Variants in HECW2 observed in about 807,000 individuals in gnomAD.
HECW2 encodes HECT, C2 and WW domain containing E3 ubiquitin protein ligase 2.
A neutral mutation model predicts 175.2 loss-of-function variants in HECW2; 61 were observed. The ratio of observed to expected loss-of-function variants is 0.35; its 90% CI spans 0.28 to 0.43. HECW2 has a LOEUF of 0.43. Among genes scored for constraint, HECW2 ranks in the 20% least tolerant of loss-of-function variants. The pLI is 1.00. For missense variants in HECW2, 1,524 were observed against 2,000.5 expected (o/e 0.76, Z 4.54); for synonymous variants, 671 against 731.0 (o/e 0.92, Z 1.32).
At chr2:196,537,849 C>A (rs1468762667) in intron 1 of HECW2, among the ~76,000 whole-genome samples, 2 of 152,150 alleles carry the variant, frequency 1.3e-5, no homozygotes, top group Non-Finnish European at 2.9e-5. Context: ...GAAAATTAAT[C>A]CTTTATCACA....
intron 6 of HECW2, among the ~76,000 whole-genome samples, chr2:196,324,342 T>C (rs1034341751): frequency 5.3e-5 from 8 of 152,142 alleles, no homozygotes; most frequent in Non-Finnish European, 1.2e-4. Flanking sequence ...GAAAACCCTT[T>C]GCTTGATTTC....
intron 28 of HECW2, among the ~76,000 whole-genome samples, chr2:196,215,531 G>C (rs2105801089): frequency 6.6e-6 from 1 of 152,292 alleles, no homozygotes; most frequent in South Asian, 2.1e-4. Flanking sequence ...ATTCTAAATA[G>C]TTATAAAGTT....
intron 28 of HECW2, among the ~76,000 whole-genome samples, chr2:196,211,734 C>T (rs1687293467): frequency 6.6e-6 from 1 of 152,190 alleles, no homozygotes; most frequent in South Asian, 2.1e-4. Context: ...AGATTCTCTC[C>T]CTCATTGCTC....
chr2:196,457,336 A>G (rs1696553269), intron 1 of HECW2, among the ~76,000 whole-genome samples: 1 of 152,174 alleles, frequency 6.6e-6, no homozygotes, highest in South Asian at 2.1e-4. Flanking sequence ...ATTCTGGACG[A>G]CTTTTTCCAA....
intron 28 of HECW2, among the ~76,000 whole-genome samples, chr2:196,207,115 G>A (rs968658376): frequency 2.0e-5 from 3 of 152,196 alleles, no homozygotes; most frequent in African/African-American, 4.8e-5. Context: ...GCCAGATGGG[G>A]AGGCAGGGAC....
chr2:196,250,827 TCTC>T (rs1688826164), intron 19 of HECW2, among the ~76,000 whole-genome samples: 1 of 152,068 alleles, frequency 6.6e-6, no homozygotes, highest in African/African-American at 2.4e-5. Context: ...CCCTCTCTCT[TCTC>T]CTAACTACTG....
chr2:196,372,292 T>G (rs1693928905), intron 2 of HECW2, among the ~76,000 whole-genome samples: 1 of 152,234 alleles, frequency 6.6e-6, no homozygotes, highest in African/African-American at 2.4e-5. Context: ...GATCTCATTT[T>G]GTGGTTTCCC....
intron 2 of HECW2, among the ~76,000 whole-genome samples, chr2:196,351,189 T>C (rs1434213460): frequency 2.6e-5 from 4 of 152,046 alleles, no homozygotes; most frequent in African/African-American, 2.4e-5. Flanking sequence ...TTCTTTTTTT[T>C]TAAAAAAAAT....
rs890370243 is a variant in HECW2, at chr2:196,292,595, T to C, written c.2970A>G (p.Gly990=). The change falls in exon 14 of 29, where the codon GGA becomes GGG. Residue 990 remains glycine, a synonymous_variant. Transcript: ENST00000644978. ...CCTGGTGATCATGTTTCATTTCCCA[T>C]CCCCGCGGCAGCTCTAGCTGTTTGT... is the stretch of plus-strand genomic sequence containing the variant. ...FANKQLELPR[G]WEMKHDHQGK... 11 of 1,613,624 alleles carry C rather than the reference T, an allele frequency of 6.8e-6. No homozygotes were observed. The highest frequency in any genetic ancestry group is 6.8e-6 in the Non-Finnish European group (8 of 1,179,758).
intron 15 of HECW2, among the ~76,000 whole-genome samples, chr2:196,275,492 A>C (rs945576249): frequency 6.6e-6 from 1 of 152,092 alleles, no homozygotes; most frequent in African/African-American, 2.4e-5. Flanking sequence ...GGTGGCTCAC[A>C]CCTATAATCC....
rs145009185 is a variant in HECW2, at chr2:196,423,892, T to G, written c.292+9240A>C. Among the ~76,000 whole-genome samples, 90 of 152,166 alleles carry G rather than the reference T, an allele frequency of 5.9e-4. 1 individual carries two copies. In the East Asian group the frequency reaches 0.012, roughly 20 times the overall value. On this transcript the variant is annotated intron_variant, in intron 2 of 28. Coordinates refer to ENST00000644978, the MANE Select transcript of HECW2 (RefSeq NM_001348768.2). ...GTGGGATTGCTGGGTCATATAGTAT[T>G]TATATTTTTAATTTTTTGAGAAGCC... is the stretch of plus-strand genomic sequence containing the variant.
At chr2:196,520,267 C>CA (rs35560202) in intron 1 of HECW2, among the ~76,000 whole-genome samples, 1,878 of 141,296 alleles carry the variant, frequency 0.013, 18 homozygotes, top group Non-Finnish European at 0.021. Context: ...AAATTATTAC[C>CA]AAAAAAAAAA....
chr2:196,257,604 C>T (rs1689112715), intron 18 of HECW2: 6 of 557,174 alleles, frequency 1.1e-5, no homozygotes, highest in Admixed American at 3.3e-5. Context: ...CCCTTGCCAG[C>T]AGGGTGAAAA....
chr2:196,250,397 CG>C (rs1688811672), intron 19 of HECW2, among the ~76,000 whole-genome samples: 1 of 152,150 alleles, frequency 6.6e-6, no homozygotes, highest in African/African-American at 2.4e-5. Flanking sequence ...AAAGAAAAAG[CG>C]ACACATTAAC....
In HECW2 at chr2:196,319,804, G is replaced by A. The variant is rs770115826; in HGVS notation, c.1086C>T (p.His362=). The A allele has an allele frequency of 8.4e-5, 136 of 1,614,080 alleles. No individual in the cohort carries two copies. Among genetic ancestry groups the A allele is most frequent in the Non-Finnish European group, 8.5e-5 (100 of 1,180,038 alleles). The change falls in exon 9 of 29, where the codon CAC becomes CAT. Residue 362 remains histidine (H), a synonymous_variant. Coordinates refer to ENST00000644978, the MANE Select transcript of HECW2 (RefSeq NM_001348768.2). ...SDDEDMPGSH[H]DSQVCSNGPV... ...GCCCATTAGAGCACACCTGGCTGTC[G>A]TGATGGCTCCCTGGCATGTCCTCGT...
intron 1 of HECW2, among the ~76,000 whole-genome samples, chr2:196,566,259 A>T (rs1690183392): frequency 2.2e-5 from 3 of 138,900 alleles, no homozygotes; most frequent in African/African-American, 5.4e-5. Flanking sequence ...TCCATTAATA[A>T]TTTTGCTTTT....
intron 1 of HECW2, among the ~76,000 whole-genome samples, chr2:196,553,471 A>T (rs565310166): frequency 1.3e-5 from 2 of 152,368 alleles, no homozygotes; most frequent in South Asian, 4.1e-4. Flanking sequence ...GCCACTGCTT[A>T]GAGACTACTG....
intron 14 of HECW2, among the ~76,000 whole-genome samples, chr2:196,283,570 G>A (rs1264620796): frequency 2.6e-5 from 4 of 151,908 alleles, no homozygotes; most frequent in Middle Eastern, 3.4e-3. Flanking sequence ...TAATAGAGAC[G>A]GGGTTTCATC....
At chr2:196,350,782 A>G (rs542715828) in intron 2 of HECW2, among the ~76,000 whole-genome samples, 99 of 148,978 alleles carry the variant, frequency 6.6e-4, no homozygotes, top group African/African-American at 2.5e-3. Flanking sequence ...TGCGAAAATT[A>G]CTATGGTAAA....
Sources: allele counts gnomAD v4.1 joint callset (sites outside exome capture counted in the v4.1 genomes callset), GRCh38; gene constraint gnomAD v4.1.1; transcripts MANE v1.5; gene names NCBI Gene and HGNC (gene_info 2026-07-23, HGNC 2026-07-21).